OPCML: variants seen among roughly 807,000 people sequenced by gnomAD.
OPCML encodes the protein opioid-binding protein/cell adhesion molecule.
OPCML carries 13 observed loss-of-function variants against 37.8 expected under a neutral mutation model. The observed-to-expected ratio is 0.34, with a 90% CI of 0.22 to 0.55. The LOEUF (loss-of-function observed/expected upper bound fraction) is 0.55, where lower values mean the gene tolerates loss of function less well. Among genes scored for constraint, OPCML ranks in the 20% least tolerant of loss-of-function variants. The pLI, the probability that OPCML is intolerant of heterozygous loss-of-function variation, is 0.91. For missense variants in OPCML, 341 were observed against 435.6 expected, an observed-to-expected ratio of 0.78 and a Z score of 1.93; for synonymous variants, 176 against 168.8, an observed-to-expected ratio of 1.04 and a Z score of -0.33.
intron 2 of OPCML, among the ~76,000 whole-genome samples, chr11:132,728,727 T>A (rs2136002327): frequency 6.6e-6 from 1 of 152,298 alleles, no homozygotes; most frequent in Non-Finnish European, 1.5e-5. Context: ...TTATGTGCTA[T>A]GATGTAAATA....
chr11:133,471,684 A>G (rs1429030598), intron 1 of OPCML, among the ~76,000 whole-genome samples: 1 of 152,256 alleles, frequency 6.6e-6, no homozygotes, highest in Non-Finnish European at 1.5e-5. Context: ...AGCATATTTT[A>G]CGGACTACTT....
At chr11:133,132,064 AT>A (rs1302112025) in intron 1 of OPCML, among the ~76,000 whole-genome samples, 1 of 152,190 alleles carries the variant, frequency 6.6e-6, no homozygotes, top group African/African-American at 2.4e-5. Context: ...AAAATTAAAA[AT>A]TTTTTTGAAA....
Position 132,999,566 on chromosome 11 carries a change from GGTC to G in OPCML, c.62-56559_62-56557del, listed in dbSNP as rs1000766738. On this transcript the variant is annotated intron_variant, in intron 1 of 7. Coordinates refer to ENST00000524381, the MANE Select transcript of OPCML (RefSeq NM_001012393.5). Reference sequence around the variant, plus strand: ...CAGCTCTGCTCCAAGTGACAAATGGGGTCGGGGGGGGAATGCCACCGGTAATGA... The same window carrying G: ...CAGCTCTGCTCCAAGTGACAAATGGGGGGGGGGGAATGCCACCGGTAATGA... Among the ~76,000 whole-genome samples the G allele has an allele frequency of 9.0e-5, 13 of 143,920 alleles. 1 individual carries two copies. The highest frequency in any genetic ancestry group is 3.3e-4 in the African/African-American group (13 of 38,896). The allele number at this position is 143,920 out of a possible 152,430, so 94.4% of individuals were successfully genotyped here. A position where few individuals can be genotyped will look rare whatever the true frequency, so the allele number is the denominator to read the frequency against.
chr11:132,541,378 G>A (rs1374351681), intron 3 of OPCML, among the ~76,000 whole-genome samples: 1 of 152,190 alleles, frequency 6.6e-6, no homozygotes, highest in Non-Finnish European at 1.5e-5. Context: ...TTCTCAAACT[G>A]CAGAACAGCA....
chr11:132,786,728 T>C (rs1947224632), intron 2 of OPCML, among the ~76,000 whole-genome samples: 1 of 152,196 alleles, frequency 6.6e-6, no homozygotes, highest in African/African-American at 2.4e-5. Flanking sequence ...CAGATCTGTG[T>C]ATAGTAGGCA....
At chr11:132,511,139 T>C (rs2096267931) in intron 4 of OPCML, among the ~76,000 whole-genome samples, 1 of 152,142 alleles carries the variant, frequency 6.6e-6, no homozygotes, top group Non-Finnish European at 1.5e-5. Context: ...AAGGTCAATA[T>C]AAAAAAGTCA....
intron 3 of OPCML, among the ~76,000 whole-genome samples, chr11:132,565,800 G>A (rs1405362085): frequency 1.3e-5 from 2 of 152,114 alleles, no homozygotes; most frequent in East Asian, 1.9e-4. Context: ...TGGGAGGCTG[G>A]GGCAGTCAGA....
At chr11:132,638,755 A>C (rs562839309) in intron 3 of OPCML, among the ~76,000 whole-genome samples, 1 of 152,072 alleles carries the variant, frequency 6.6e-6, no homozygotes, top group African/African-American at 2.4e-5. Context: ...CCATACCCCT[A>C]TGATTTCATT....
chr11:133,163,831 C>T (rs1950175459), intron 1 of OPCML, among the ~76,000 whole-genome samples: 1 of 152,158 alleles, frequency 6.6e-6, no homozygotes, highest in Non-Finnish European at 1.5e-5. Context: ...CGCCATTACT[C>T]CCTCCCAAAT....
intron 2 of OPCML, among the ~76,000 whole-genome samples, chr11:132,856,023 C>T (rs550163087): frequency 4.6e-5 from 7 of 152,290 alleles, no homozygotes; most frequent in South Asian, 2.1e-4. Context: ...TTTCAAAAAT[C>T]GGTCTTTGCT....
At chr11:133,529,512 ACTGTC>A (rs1948559951) in intron 1 of OPCML, among the ~76,000 whole-genome samples, 1 of 152,202 alleles carries the variant, frequency 6.6e-6, no homozygotes, top group African/African-American at 2.4e-5. Context: ...CCACGTGGTG[ACTGTC>A]TTTTCCATCC....
chr11:132,531,056 A>G (rs1338021551), intron 3 of OPCML, among the ~76,000 whole-genome samples: 1 of 152,160 alleles, frequency 6.6e-6, no homozygotes, highest in Non-Finnish European at 1.5e-5. Flanking sequence ...TGTGTATGGC[A>G]GTTTATTGTC....
intron 4 of OPCML, among the ~76,000 whole-genome samples, chr11:132,516,265 C>G (rs2096279470): frequency 6.6e-6 from 1 of 152,126 alleles, no homozygotes; most frequent in African/African-American, 2.4e-5. Flanking sequence ...GATAAGTCTG[C>G]AACTTCCTGC....
chr11:133,396,397 C>T (rs967432820), intron 1 of OPCML, among the ~76,000 whole-genome samples: 1 of 151,880 alleles, frequency 6.6e-6, no homozygotes, highest in Non-Finnish European at 1.5e-5. Flanking sequence ...TGTCTAATTG[C>T]TCTAGCTAGG....
chr11:132,565,902 G>T (rs183473260), intron 3 of OPCML, among the ~76,000 whole-genome samples: 1 of 152,126 alleles, frequency 6.6e-6, no homozygotes, highest in Non-Finnish European at 1.5e-5. Context: ...GCATGGTGGC[G>T]GGCGCCTGCA....
At chr11:132,802,740 G>A (rs1220340585) in intron 2 of OPCML, among the ~76,000 whole-genome samples, 1 of 152,186 alleles carries the variant, frequency 6.6e-6, no homozygotes, top group Non-Finnish European at 1.5e-5. Context: ...TGAAGTCAAA[G>A]CCATGTCAGA....
rs1338529271 is a variant in OPCML at position 132,419,896 on chromosome 11, T to G, written c.*297A>C. The G allele has an allele frequency of 2.9e-6, 1 of 340,668 alleles. No homozygotes were observed. Among genetic ancestry groups the G allele is most frequent in the East Asian group, 5.6e-5 (1 of 18,000 alleles). The allele number at this position is 340,668 out of a possible 1,614,324, so 21.1% of individuals were successfully genotyped here. On this transcript the variant is annotated 3_prime_UTR_variant, in exon 8 of 8. Coordinates refer to ENST00000524381, the MANE Select transcript of OPCML (RefSeq NM_001012393.5). ...CAGAGGATGTTGTTGGGAATGATGATGAGGAGAGAAGCAGAGGAAAGGGAA... is the reference window on the plus strand; with the variant it reads ...CAGAGGATGTTGTTGGGAATGATGAGGAGGAGAGAAGCAGAGGAAAGGGAA...
chr11:133,519,869 C>T (rs1411033663), intron 1 of OPCML, among the ~76,000 whole-genome samples: 1 of 152,198 alleles, frequency 6.6e-6, no homozygotes, highest in Non-Finnish European at 1.5e-5. Flanking sequence ...TCCACTGTTT[C>T]TATGAAATTT....
intron 3 of OPCML, among the ~76,000 whole-genome samples, chr11:132,600,839 CTTTTTT>C (rs145586468): frequency 4.2e-5 from 4 of 94,532 alleles, no homozygotes; most frequent in Admixed American, 1.5e-4. Flanking sequence ...AAATAGTTAA[CTTTTTT>C]TTTTTTTTTT....
Sources: allele counts gnomAD v4.1 joint callset (sites outside exome capture counted in the v4.1 genomes callset), GRCh38; gene constraint gnomAD v4.1.1; transcripts MANE v1.5; gene names NCBI Gene and HGNC (gene_info 2026-07-23, HGNC 2026-07-21).